PTH2R: variants seen among roughly 807,000 people sequenced by gnomAD.
The protein encoded by PTH2R is parathyroid hormone 2 receptor, also known as PTH2 receptor.
In PTH2R, 59 loss-of-function variants were observed where a neutral mutation model predicts 60.3. That is an observed-to-expected ratio of 0.98 (90% CI 0.79 to 1.22). The LOEUF (loss-of-function observed/expected upper bound fraction) is 1.22. Among genes scored for constraint, PTH2R ranks in the 50% most tolerant of loss-of-function variants. The pLI, the probability that PTH2R is intolerant of heterozygous loss-of-function variation, is 0.00. For missense variants in PTH2R, 749 were observed against 682.6 expected (o/e 1.10, Z -1.08); for synonymous variants, 256 against 243.8 (o/e 1.05, Z -0.47).
In PTH2R at chr2:208,488,998, C is replaced by T. The variant is rs1459179791; in HGVS notation, c.1077-14C>T. 2 of 1,613,410 alleles carry T rather than the reference C, an allele frequency of 1.2e-6. No individual in the cohort carries two copies. The highest frequency in any genetic ancestry group is 1.7e-6 in the Non-Finnish European group (2 of 1,179,734). On this transcript the variant is annotated splice_polypyrimidine_tract_variant and intron_variant, in intron 10 of 12. Transcript: ENST00000272847. Reference sequence around the variant, plus strand: ...TCTAGTTAATGAATGAAAAGACTTGCTGTTCTCCTTTAGGAAACTGGCCAA... The same window carrying T: ...TCTAGTTAATGAATGAAAAGACTTGTTGTTCTCCTTTAGGAAACTGGCCAA...
intron 1 of PTH2R, among the ~76,000 whole-genome samples, chr2:208,369,617 C>A (rs1041417603): frequency 1.3e-5 from 2 of 152,000 alleles, no homozygotes; most frequent in South Asian, 2.1e-4. Flanking sequence ...CTCGGCCTCC[C>A]AAAGTGCTGG....
chr2:208,443,623 C>G, intron 6 of PTH2R, 86 bp downstream of exon 6: 1 of 1,131,966 alleles, frequency 8.8e-7, no homozygotes, highest in Non-Finnish European at 1.2e-6. Context: ...AACATGTTAA[C>G]TTGCTTTTAC....
In PTH2R at chr2:208,493,329, G is replaced by A. The variant is rs750926744; in HGVS notation, c.1323G>A (p.Pro441=). 8 of 1,561,838 alleles carry A rather than the reference G, an allele frequency of 5.1e-6. No homozygotes were observed. Among genetic ancestry groups the A allele is most frequent in the South Asian group, 1.2e-5 (1 of 83,166 alleles). ...TCTCCGTGGACTGGAAAAGGACACC[G>A]CCATGTGGCAGCCGCAGATGCGGCT... ...WNLSVDWKRT[P]PCGSRRCGSV... is the part of the protein sequence containing the mutation. The change falls in exon 13 of 13, where the codon CCG becomes CCA. Residue 441 remains proline, a synonymous_variant. Coordinates refer to ENST00000272847, the MANE Select transcript of PTH2R (RefSeq NM_005048.4).
intron 4 of PTH2R, among the ~76,000 whole-genome samples, chr2:208,440,997 G>A (rs917052318): frequency 2.6e-5 from 4 of 152,168 alleles, no homozygotes; most frequent in East Asian, 1.9e-4. Context: ...CTGCATGACT[G>A]ATGCAGCCCA....
intron 8 of PTH2R, among the ~76,000 whole-genome samples, chr2:208,455,210 T>C (rs1448745292): frequency 1.3e-5 from 2 of 152,194 alleles, no homozygotes; most frequent in Admixed American, 1.3e-4. Context: ...TTGATTTACA[T>C]GGGAGGGAAG....
At chr2:208,426,669 A>G (rs1701863848) in intron 1 of PTH2R, among the ~76,000 whole-genome samples, 1 of 152,112 alleles carries the variant, frequency 6.6e-6, no homozygotes, top group Non-Finnish European at 1.5e-5. Context: ...GTGGTTTTGT[A>G]AATGTCTGGC....
chr2:208,418,529 C>T (rs182934872), intron 1 of PTH2R, among the ~76,000 whole-genome samples: 1,811 of 151,878 alleles, frequency 0.012, 15 homozygotes, highest in Non-Finnish European at 0.018. Context: ...AAGTTTAACA[C>T]CCATCCATGA....
intron 9 of PTH2R, among the ~76,000 whole-genome samples, chr2:208,474,830 G>A (rs565189668): frequency 6.6e-6 from 1 of 152,304 alleles, no homozygotes; most frequent in Non-Finnish European, 1.5e-5. Flanking sequence ...GTCTAAGAGA[G>A]GTACTATTCA....
rs114528227 is a variant in PTH2R, at chr2:208,397,613, G to A, written c.-258-30588G>A. On this transcript the variant is annotated intron_variant, in intron 1 of 12. Transcript: ENST00000617735. ...AGCTGAAAGAGGGAACCCTGAGTGC[G>A]GTGAAAAACAGCCATTTATATGAGG... Among the ~76,000 whole-genome samples, 1,310 of 152,272 alleles carry A rather than the reference G, an allele frequency of 8.6e-3. 24 individuals carry two copies. Among genetic ancestry groups the A allele is most frequent in the African/African-American group, 0.03 (1,228 of 41,548 alleles).
At chr2:208,364,730 A>G (rs1028911760) in intron 1 of PTH2R, among the ~76,000 whole-genome samples, 1 of 152,154 alleles carries the variant, frequency 6.6e-6, no homozygotes, top group African/African-American at 2.4e-5. Context: ...TTTGATAAGG[A>G]TTGAATTGAA....
chr2:208,485,746 C>T (rs779430114), intron 10 of PTH2R, among the ~76,000 whole-genome samples: 4 of 152,158 alleles, frequency 2.6e-5, no homozygotes, highest in Non-Finnish European at 4.4e-5. Context: ...CTTGTAAAAT[C>T]CTGCTCCCCC....
At chr2:208,405,228 G>A (rs1234386536), upstream of PTH2R, among the ~76,000 whole-genome samples, 1 of 152,038 alleles carries the variant, frequency 6.6e-6, no homozygotes, top group Non-Finnish European at 1.5e-5. Context: ...TTTATTTAAT[G>A]TTTGAAACAG....
intron 8 of PTH2R, among the ~76,000 whole-genome samples, chr2:208,458,401 C>T (rs998009990): frequency 2.6e-5 from 4 of 151,894 alleles, no homozygotes; most frequent in African/African-American, 4.8e-5. Context: ...AGGATAAGGT[C>T]GTGGATCTTA....
At chr2:208,408,166 G>A (rs1314432839) in intron 1 of PTH2R, among the ~76,000 whole-genome samples, 3 of 152,172 alleles carry the variant, frequency 2.0e-5, no homozygotes, top group Admixed American at 6.5e-5. Flanking sequence ...GATGTTTCAT[G>A]TAGATTTATT....
chr2:208,446,584 T>C (rs1249375702), intron 7 of PTH2R, among the ~76,000 whole-genome samples: 1 of 152,238 alleles, frequency 6.6e-6, no homozygotes, highest in South Asian at 2.1e-4. Context: ...CTATTCTTCA[T>C]GGAATTATGG....
chr2:208,468,935 G>C (rs746116840), intron 9 of PTH2R, among the ~76,000 whole-genome samples: 6 of 152,282 alleles, frequency 3.9e-5, no homozygotes, highest in Non-Finnish European at 7.4e-5. Flanking sequence ...ATATAAAATA[G>C]ATATCATGGG....
At chr2:208,434,327 G>A (rs965317978) in intron 2 of PTH2R, among the ~76,000 whole-genome samples, 1 of 151,854 alleles carries the variant, frequency 6.6e-6, no homozygotes, top group African/African-American at 2.4e-5. Context: ...TATTTTCTAT[G>A]TGAGATTCAT....
At chr2:208,406,063 C>G (rs1701398213), upstream of PTH2R, among the ~76,000 whole-genome samples, 1 of 152,148 alleles carries the variant, frequency 6.6e-6, no homozygotes, top group African/African-American at 2.4e-5. Flanking sequence ...TCCCATCTTA[C>G]AATTGAGGAG....
At chr2:208,367,496 C>T (rs1265136798) in intron 1 of PTH2R, among the ~76,000 whole-genome samples, 3 of 146,886 alleles carry the variant, frequency 2.0e-5, no homozygotes, top group Non-Finnish European at 4.5e-5. Flanking sequence ...TCTCGGCTCA[C>T]TGCAACCTCC....
Sources: allele counts gnomAD v4.1 joint callset (sites outside exome capture counted in the v4.1 genomes callset), GRCh38; gene constraint gnomAD v4.1.1; transcripts MANE v1.5; gene names NCBI Gene and HGNC (gene_info 2026-07-23, HGNC 2026-07-21).